CHRNA3: variants seen among roughly 807,000 people sequenced by gnomAD.
CHRNA3 encodes neuronal acetylcholine receptor subunit alpha-3.
In CHRNA3, 34 loss-of-function variants were observed where a neutral mutation model predicts 41.9. That is an observed-to-expected ratio of 0.81 (90% CI 0.62 to 1.08). CHRNA3 has a LOEUF of 1.08. Among genes scored for constraint, CHRNA3 ranks in the 50% least tolerant of loss-of-function variants. The pLI is 0.00. For synonymous variants in CHRNA3, 281 were observed against 265.2 expected (o/e 1.06, Z -0.58); for missense variants, 542 against 638.3 (o/e 0.85, Z 1.63).
rs752749283 is a variant in CHRNA3, at chr15:78,602,227, C to T, written c.415G>A (p.Ala139Thr). 2.5e-6 allele frequency: 4 copies of T among 1,614,028 alleles called. No homozygotes were observed. The highest frequency in any genetic ancestry group is 1.1e-5 in the South Asian group (1 of 91,064). ...GDFQVDDKTK[A>T]LLKYTGEVTW... Reference sequence around the variant, plus strand: ...ACCTCCCCAGTGTACTTGAGTAAGGCTTTGGTCTTGTCGTCCACCTGGAAA... The same window carrying T: ...ACCTCCCCAGTGTACTTGAGTAAGGTTTTGGTCTTGTCGTCCACCTGGAAA... The change falls in exon 5 of 6, where the codon GCC becomes ACC. Residue 139 changes from alanine (A) to threonine (T), a missense_variant. Transcript: ENST00000326828.
chr15:78,605,657 G>C (rs1028137788), intron 4 of CHRNA3, among the ~76,000 whole-genome samples: 2 of 152,188 alleles, frequency 1.3e-5, no homozygotes, highest in African/African-American at 2.4e-5. Context: ...GCTGACGTGG[G>C]CTCTTGAGGA....
chr15:78,594,764 A>G (rs1413638420), downstream of CHRNA3: 1 of 152,238 alleles, frequency 6.6e-6, no homozygotes, highest in East Asian at 1.9e-4. Flanking sequence ...GCACACTGTT[A>G]TATACCTGTA....
chr15:78,603,822 A>G (rs565122867), intron 4 of CHRNA3, among the ~76,000 whole-genome samples: 2 of 152,004 alleles, frequency 1.3e-5, no homozygotes, highest in South Asian at 2.1e-4. Flanking sequence ...TCTTAGCCCC[A>G]ATTTCACTCC....
intron 3 of CHRNA3, 29 bp downstream of exon 3, chr15:78,618,588 G>A (rs2053500837): frequency 1.9e-6 from 3 of 1,613,430 alleles, no homozygotes; most frequent in Admixed American, 1.7e-5. Flanking sequence ...CCACCAGGGG[G>A]CAGCAGTGCC....
At chr15:78,596,995 G>C (rs2053123850) in intron 5 of CHRNA3, among the ~76,000 whole-genome samples, 1 of 152,158 alleles carries the variant, frequency 6.6e-6, no homozygotes, top group South Asian at 2.1e-4. Context: ...GCATAACCTA[G>C]TTTTTCTAAA....
At chr15:78,608,361 C>G (rs1047185703) in intron 4 of CHRNA3, among the ~76,000 whole-genome samples, 3 of 152,190 alleles carry the variant, frequency 2.0e-5, no homozygotes, top group Admixed American at 2.0e-4. Flanking sequence ...TCCTCTGATA[C>G]AAAACTTCCA....
chr15:78,615,734 C>A (rs534507045), intron 4 of CHRNA3, among the ~76,000 whole-genome samples: 23 of 138,602 alleles, frequency 1.7e-4, no homozygotes, highest in Non-Finnish European at 1.2e-4. Context: ...AATTCAGGCA[C>A]CTGTATTTTT....
intron 4 of CHRNA3, among the ~76,000 whole-genome samples, chr15:78,610,912 A>G (rs1219403371): frequency 6.6e-6 from 1 of 152,262 alleles, no homozygotes; most frequent in South Asian, 2.1e-4. Context: ...CCACAGAAAT[A>G]CAAATTACCA....
Position 78,620,765 on chromosome 15 carries a change from C to T in CHRNA3, c.30G>A (p.Leu10=). 6.7e-7 allele frequency: 1 copy of T among 1,497,320 alleles called. No homozygotes were observed. Among genetic ancestry groups the T allele is most frequent in the Non-Finnish European group, 8.8e-7 (1 of 1,130,154 alleles). The allele number at this position is 1,497,320 out of a possible 1,614,324, so 92.8% of individuals were successfully genotyped here. Residue 10 remains leucine, a synonymous_variant, in exon 1 of 6, where the codon CTG becomes CTA. Coordinates refer to ENST00000326828, the MANE Select transcript of CHRNA3 (RefSeq NM_000743.5). MGSGPLSLP[L]ALSPPRLLLL... ...GCAGCAGCCGCGGCGGCGACAGCGC[C>T]AGGGGCAGCGAGAGCGGGCCAGAGC...
chr15:78,611,635 G>T (rs1182835053), intron 4 of CHRNA3, among the ~76,000 whole-genome samples: 1 of 151,936 alleles, frequency 6.6e-6, no homozygotes, highest in Non-Finnish European at 1.5e-5. Context: ...GCACAAACTG[G>T]AAGCATTCCT....
intron 4 of CHRNA3, among the ~76,000 whole-genome samples, chr15:78,615,280 G>A (rs1040851409): frequency 7.2e-5 from 11 of 152,220 alleles, no homozygotes; most frequent in African/African-American, 2.4e-4. Flanking sequence ...GGTACACCGT[G>A]TAGCAGGGTA....
In CHRNA3 at chr15:78,601,752, G is replaced by A; in HGVS notation, c.890C>T (p.Thr297Ile). 2.5e-6 allele frequency: 4 copies of A among 1,614,164 alleles called. No individual in the cohort carries two copies. Among genetic ancestry groups the A allele is most frequent in the Non-Finnish European group, 3.4e-6 (4 of 1,180,044 alleles). Residue 297 changes from threonine to isoleucine, a missense_variant, in exon 5 of 6, where the codon ACC becomes ATC. Transcript: ENST00000326828. ...LLVITETIPS[T>I]SLVIPLIGEY... is the part of the protein sequence containing the mutation. ...TCCAATCAGGGGGATGACCAGCGAG[G>A]TGGAAGGGATGGTCTCAGTGATCAC...
In CHRNA3 at chr15:78,601,490, G is replaced by A. The variant is rs76643872; in HGVS notation, c.1152C>T (p.Ser384=). The A allele has an allele frequency of 6.2e-6, 10 of 1,614,156 alleles. No homozygotes were observed. In the South Asian group the frequency reaches 1.1e-4, roughly 18 times the overall value. Reference sequence around the variant, plus strand: ...CCTTGCAGCCTTTGGACTCTGCGCGGCTGAAGCAATTCAGATTTGAGAGCT... The same window carrying A: ...CCTTGCAGCCTTTGGACTCTGCGCGACTGAAGCAATTCAGATTTGAGAGCT... ...GAELSNLNCF[S]RAESKGCKEG... The change falls in exon 5 of 6, where the codon AGC becomes AGT. Residue 384 remains serine (S), a synonymous_variant. Coordinates refer to ENST00000326828, the MANE Select transcript of CHRNA3 (RefSeq NM_000743.5).
Position 78,596,355 on chromosome 15 carries a change from T to C in CHRNA3, c.*249A>G. The C allele has an allele frequency of 8.8e-7, 1 of 1,133,638 alleles. No individual in the cohort carries two copies. The highest frequency in any genetic ancestry group is 1.6e-5 in the African/African-American group (1 of 61,928). The allele number at this position is 1,133,638 out of a possible 1,614,324, so 70.2% of individuals were successfully genotyped here. A position where few individuals can be genotyped will look rare whatever the true frequency, so the allele number is the denominator to read the frequency against. Reference sequence around the variant, plus strand: ...TATATTCCATAGCATAGCATACTAATCACATAGAATCACATTTTGACATCT... The same window carrying C: ...TATATTCCATAGCATAGCATACTAACCACATAGAATCACATTTTGACATCT... On this transcript the variant is annotated 3_prime_UTR_variant, in exon 6 of 6. Transcript: ENST00000326828.
At chr15:78,605,596 A>G (rs1024912682) in intron 4 of CHRNA3, among the ~76,000 whole-genome samples, 2 of 152,162 alleles carry the variant, frequency 1.3e-5, no homozygotes, top group Non-Finnish European at 2.9e-5. Context: ...GTGGGCAAGA[A>G]CCAAAAAAAT....
intron 5 of CHRNA3, among the ~76,000 whole-genome samples, chr15:78,598,039 C>T (rs906630451): frequency 6.6e-6 from 1 of 152,070 alleles, no homozygotes; most frequent in African/African-American, 2.4e-5. Context: ...TGTGAGATTC[C>T]TACCCACCCC....
At chr15:78,603,887 G>C (rs1030130193) in intron 4 of CHRNA3, among the ~76,000 whole-genome samples, 1 of 152,142 alleles carries the variant, frequency 6.6e-6, no homozygotes, top group Non-Finnish European at 1.5e-5. Flanking sequence ...AGGAAAAAGG[G>C]AGAGGTAGGA....
chr15:78,603,356 C>T (rs955718820), intron 4 of CHRNA3, among the ~76,000 whole-genome samples: 6 of 152,128 alleles, frequency 3.9e-5, no homozygotes, highest in African/African-American at 7.2e-5. Flanking sequence ...TTGGTTTGTT[C>T]GACAGAAAAT....
intron 4 of CHRNA3, among the ~76,000 whole-genome samples, chr15:78,602,974 CCCTT>C (rs1466838498): frequency 6.6e-6 from 1 of 152,154 alleles, no homozygotes; most frequent in Non-Finnish European, 1.5e-5. Flanking sequence ...TGTTTCTTCT[CCCTT>C]CCTTTTCACT....
Sources: allele counts gnomAD v4.1 joint callset (sites outside exome capture counted in the v4.1 genomes callset), GRCh38; gene constraint gnomAD v4.1.1; transcripts MANE v1.5; gene names NCBI Gene and HGNC (gene_info 2026-07-23, HGNC 2026-07-21).